Variants in CSMD2 observed in about 807,000 individuals in gnomAD.
The protein encoded by CSMD2 is CUB and sushi domain-containing protein 2.
CSMD2 carries 130 observed loss-of-function variants against 398.5 expected under a neutral mutation model. The observed-to-expected ratio is 0.33, with a 90% CI of 0.28 to 0.38. The LOEUF (loss-of-function observed/expected upper bound fraction) is 0.38, where lower values mean the gene tolerates loss of function less well. CSMD2 is among the 10% of genes least tolerant of loss of function. The pLI is 1.00. For missense variants in CSMD2, 3,829 were observed against 4,764.9 expected (o/e 0.80, Z 5.78); for synonymous variants, 1,828 against 1,908.5 (o/e 0.96, Z 1.10).
chr1:33,994,260 G>A (rs1646654644), intron 3 of CSMD2, among the ~76,000 whole-genome samples: 1 of 152,072 alleles, frequency 6.6e-6, no homozygotes, highest in Non-Finnish European at 1.5e-5. Flanking sequence ...GTATGCTTTG[G>A]GTTATGGGAG....
At chr1:34,047,045 T>C (rs1004320844) in intron 2 of CSMD2, among the ~76,000 whole-genome samples, 2 of 152,134 alleles carry the variant, frequency 1.3e-5, no homozygotes, top group African/African-American at 4.8e-5. Flanking sequence ...AGTCAGATCA[T>C]GTCACTTCTC....
intron 3 of CSMD2, among the ~76,000 whole-genome samples, chr1:33,998,459 G>C (rs1646795674): frequency 6.6e-6 from 1 of 152,214 alleles, no homozygotes; most frequent in Non-Finnish European, 1.5e-5. Context: ...TCTGTAGTAG[G>C]ACCAGTTGTG....
intron 26 of CSMD2, among the ~76,000 whole-genome samples, chr1:33,658,954 G>T (rs1045793977): frequency 1.3e-5 from 2 of 152,154 alleles, no homozygotes; most frequent in African/African-American, 2.4e-5. Context: ...CTAAGCAGTG[G>T]TTGTGAGGTT....
chr1:33,986,261 C>T (rs1646355882), intron 3 of CSMD2, among the ~76,000 whole-genome samples: 1 of 152,214 alleles, frequency 6.6e-6, no homozygotes, highest in Non-Finnish European at 1.5e-5. Flanking sequence ...CCTCCTACCT[C>T]TACTCTCTCA....
chr1:34,152,927 G>C (rs1462483150), intron 1 of CSMD2, among the ~76,000 whole-genome samples: 1 of 152,122 alleles, frequency 6.6e-6, no homozygotes, highest in Non-Finnish European at 1.5e-5. Context: ...TCTATTTTCT[G>C]TCTCTATGAA....
intron 3 of CSMD2, among the ~76,000 whole-genome samples, chr1:34,026,704 C>G (rs1240916140): frequency 6.6e-6 from 1 of 152,218 alleles, no homozygotes; most frequent in East Asian, 1.9e-4. Context: ...TAATCGGAAA[C>G]AATCTCATGC....
At chr1:33,792,343 C>G in intron 11 of CSMD2, 80 bp downstream of exon 11, 1 of 902,788 alleles carries the variant, frequency 1.1e-6, no homozygotes, top group South Asian at 1.3e-5. Flanking sequence ...GTCTAGGGAC[C>G]AGGCAGGACT....
intron 6 of CSMD2, among the ~76,000 whole-genome samples, chr1:33,835,722 A>AAAAT (rs1298397497): frequency 6.6e-6 from 1 of 150,442 alleles, no homozygotes; most frequent in African/African-American, 2.4e-5. Flanking sequence ...TTCAAAAAAA[A>AAAAT]AAAGGACTTC....
At chr1:33,545,720 T>C (rs1035416126) in intron 57 of CSMD2, among the ~76,000 whole-genome samples, 5 of 152,228 alleles carry the variant, frequency 3.3e-5, no homozygotes, top group Non-Finnish European at 5.9e-5. Flanking sequence ...TTGGTCACCA[T>C]TGTGTCCCCA....
intron 1 of CSMD2, among the ~76,000 whole-genome samples, chr1:34,153,623 T>A (rs1640533603): frequency 6.6e-6 from 1 of 152,132 alleles, no homozygotes. Flanking sequence ...GCTGAAGGAG[T>A]AATCCTGCCC....
At chr1:34,055,428 C>T (rs1282111799) in intron 2 of CSMD2, among the ~76,000 whole-genome samples, 2 of 152,162 alleles carry the variant, frequency 1.3e-5, no homozygotes. Context: ...GACTGCCTCC[C>T]ACCGCAGATG....
At chr1:33,985,822 G>A (rs1294112213) in intron 3 of CSMD2, among the ~76,000 whole-genome samples, 9 of 152,030 alleles carry the variant, frequency 5.9e-5, no homozygotes, top group Non-Finnish European at 8.8e-5. Flanking sequence ...TCTATAGAGC[G>A]GAGGCCTGGA....
In CSMD2 at chr1:33,943,925, T is replaced by TACAC. The variant is rs57400434; in HGVS notation, c.518-7975_518-7972dup. On this transcript the variant is annotated intron_variant, in intron 3 of 70. Transcript: ENST00000373381. ...ATATATATTATATATTAATCAGAATTACACACACACACACACACACACACA... is the reference window on the plus strand; with the variant it reads ...ATATATATTATATATTAATCAGAATTACACACACACACACACACACACACACACA... Among the ~76,000 whole-genome samples, 690 of 144,372 alleles carry TACAC rather than the reference T, an allele frequency of 4.8e-3. 5 individuals are homozygous for TACAC. Among genetic ancestry groups the TACAC allele is most frequent in the East Asian group, 0.014 (69 of 4,914 alleles). The allele number at this position is 144,372 out of a possible 152,430, so 94.7% of individuals were successfully genotyped here.
chr1:33,973,476 C>A lies in CSMD2; in HGVS notation c.518-37522G>T, dbSNP rs150652678. Among the ~76,000 whole-genome samples, 1,092 of 152,290 alleles carry A rather than the reference C, an allele frequency of 7.2e-3. 20 individuals carry two copies. The highest frequency in any genetic ancestry group is 0.025 in the African/African-American group (1,041 of 41,546). ...TGCACTGCCCCAGGCTTTGCAGACC[C>A]TGAGGGGGTCCTGGGTTGAATCAGA... On this transcript the variant is annotated intron_variant, in intron 3 of 70. Coordinates refer to ENST00000373381, the MANE Select transcript of CSMD2 (RefSeq NM_001281956.2).
At position 33,552,321 on chromosome 1, in the gene CSMD2, G is replaced by C. The variant is rs28712863; in HGVS notation, c.8744-1971C>G. On this transcript the variant is annotated intron_variant, in intron 55 of 70. Coordinates refer to ENST00000373381, the MANE Select transcript of CSMD2 (RefSeq NM_001281956.2). Reference sequence around the variant, plus strand: ...ACTGCTGGTAGAAACGGAAAATGGTGCAACCACTTTGGAAAACAGTTTGGC... The same window carrying C: ...ACTGCTGGTAGAAACGGAAAATGGTCCAACCACTTTGGAAAACAGTTTGGC... Among the ~76,000 whole-genome samples, 1,451 of 152,332 alleles carry C rather than the reference G, an allele frequency of 9.5e-3. 17 individuals are homozygous for C. Among genetic ancestry groups the C allele is most frequent in the African/African-American group, 0.034 (1,395 of 41,576 alleles).
chr1:33,922,379 C>T (rs71647959), intron 4 of CSMD2, among the ~76,000 whole-genome samples: 9,034 of 152,200 alleles, frequency 0.059, 336 homozygotes, highest in Non-Finnish European at 0.083. Context: ...GAGGGAGTGG[C>T]TCAGGAGCAG....
At chr1:33,836,396 A>T (rs1660270810) in intron 6 of CSMD2, among the ~76,000 whole-genome samples, 2 of 152,206 alleles carry the variant, frequency 1.3e-5, no homozygotes, top group Admixed American at 6.5e-5. Context: ...AAGCTGTCAG[A>T]CAGGGACATT....
At chr1:33,708,232 A>G (rs534864238) in intron 22 of CSMD2, among the ~76,000 whole-genome samples, 25 of 152,162 alleles carry the variant, frequency 1.6e-4, no homozygotes, top group African/African-American at 6.0e-4. Context: ...TCCCTTACAT[A>G]TGTCTCAAAC....
intron 3 of CSMD2, among the ~76,000 whole-genome samples, chr1:33,974,194 C>T (rs1421968995): frequency 6.6e-6 from 1 of 152,348 alleles, no homozygotes; most frequent in East Asian, 1.9e-4. Flanking sequence ...CCCGGTATAT[C>T]AAAGGCTCAA....
Sources: allele counts gnomAD v4.1 joint callset (sites outside exome capture counted in the v4.1 genomes callset), GRCh38; gene constraint gnomAD v4.1.1; transcripts MANE v1.5; gene names NCBI Gene and HGNC (gene_info 2026-07-23, HGNC 2026-07-21).